PCDHA2: variants seen among roughly 807,000 people sequenced by gnomAD.
PCDHA2 encodes protocadherin alpha-2.
A neutral mutation model predicts 66.0 loss-of-function variants in PCDHA2; 58 were observed. The ratio of observed to expected loss-of-function variants is 0.88; its 90% CI spans 0.71 to 1.09. The LOEUF is 1.09. Among genes scored for constraint, PCDHA2 ranks in the 50% least tolerant of loss-of-function variants. The probability of loss-of-function intolerance (pLI) is 0.00; values close to 1 mark genes in which losing one functional copy is unlikely to be tolerated. For missense variants in PCDHA2, 1,267 were observed against 1,242.3 expected (o/e 1.02, Z -0.30); for synonymous variants, 634 against 554.0 (o/e 1.14, Z -2.03).
intron 1 of PCDHA2, chr5:140,810,600 A>G (rs1040320772): frequency 6.6e-6 from 1 of 152,078 alleles, no homozygotes; most frequent in African/African-American, 2.4e-5. Context: ...TTATTTTGGC[A>G]ATTTTTATAC....
At position 140,849,933 on chromosome 5, in the gene PCDHA2, C is replaced by G. The variant is rs2150458258; in HGVS notation, c.2388+52581C>G. Reference sequence around the variant, plus strand: ...CTGCCACATCTTCACGGTGTCTGCGCGGGACGCTGACGCGCAGGAGAACGC... The same window carrying G: ...CTGCCACATCTTCACGGTGTCTGCGGGGGACGCTGACGCGCAGGAGAACGC... On this transcript the variant is annotated intron_variant, in intron 1 of 3. Transcript: ENST00000526136. 8.1e-6 allele frequency: 13 copies of G among 1,598,002 alleles called. 1 individual carries two copies. In the African/African-American group the frequency reaches 1.2e-4, roughly 15 times the overall value.
chr5:140,813,905 G>C (rs2126650686), intron 1 of PCDHA2: 1 of 152,418 alleles, frequency 6.6e-6, no homozygotes, highest in African/African-American at 2.4e-5. Context: ...AGGCTGAAGT[G>C]GGAGGATCCT....
chr5:140,922,722 T>C (rs2153565730), intron 1 of PCDHA2, among the ~76,000 whole-genome samples: 1 of 151,972 alleles, frequency 6.6e-6, no homozygotes, highest in Non-Finnish European at 1.5e-5. Context: ...AAAGAAACAC[T>C]TGACAAGGTT....
chr5:140,967,498 T>G, intron 1 of PCDHA2: 2 of 1,613,108 alleles, frequency 1.2e-6, no homozygotes, highest in Non-Finnish European at 1.7e-6. Flanking sequence ...CACAGATCTC[T>G]GTGCGTGTCC....
At chr5:140,988,182 G>A (rs191995725) in intron 3 of PCDHA2, among the ~76,000 whole-genome samples, 79 of 152,240 alleles carry the variant, frequency 5.2e-4, no homozygotes, top group African/African-American at 1.5e-3. Flanking sequence ...ACAGTCCTGG[G>A]AGGTGTGTGC....
intron 1 of PCDHA2, chr5:140,870,869 T>C (rs371526005): frequency 8.1e-6 from 13 of 1,613,770 alleles, no homozygotes; most frequent in Non-Finnish European, 1.1e-5. Context: ...GCGGGCCACG[T>C]GGTGGCGAAG....
At position 140,856,588 on chromosome 5, in the gene PCDHA2, T is replaced by C. The variant is rs201362862; in HGVS notation, c.2388+59236T>C. The C allele has an allele frequency of 5.2e-5, 83 of 1,597,798 alleles. 1 individual carries two copies. In the East Asian group the frequency reaches 1.3e-3, roughly 25 times the overall value. ...GTCCAAATGAGTATTTTGTTCTTGA[T>C]ATTATAAACAAAAAAGACAAAGACA... On this transcript the variant is annotated intron_variant, in intron 1 of 3. Coordinates refer to ENST00000526136, the MANE Select transcript of PCDHA2 (RefSeq NM_018905.3).
At chr5:140,857,890 G>A in intron 1 of PCDHA2, 3 of 1,597,852 alleles carry the variant, frequency 1.9e-6, no homozygotes, top group Non-Finnish European at 2.6e-6. Context: ...AGTCGGCGGC[G>A]GTTGGTGCAC....
At position 140,856,560 on chromosome 5, in the gene PCDHA2, T is replaced by G. The variant is rs782375648; in HGVS notation, c.2388+59208T>G. 94 of 1,597,798 alleles carry G rather than the reference T, an allele frequency of 5.9e-5. 1 individual carries two copies. ...GAGAACGCATTGCTTACTTACAAAC[T>G]CAGTCCAAATGAGTATTTTGTTCTT... On this transcript the variant is annotated intron_variant, in intron 1 of 3. Transcript: ENST00000526136.
At chr5:140,929,104 A>G in intron 1 of PCDHA2, 1 of 1,614,240 alleles carries the variant, frequency 6.2e-7, no homozygotes. Flanking sequence ...TCCTTGCATG[A>G]CATCAGCCAC....
chr5:140,809,505 G>T (rs782212508), intron 1 of PCDHA2: 2 of 1,614,224 alleles, frequency 1.2e-6, no homozygotes, highest in South Asian at 2.2e-5. Flanking sequence ...ATGGCCTTCA[G>T]CCCCAGTTTA....
chr5:140,939,388 A>C, intron 1 of PCDHA2, among the ~76,000 whole-genome samples: 1 of 152,232 alleles, frequency 6.6e-6, no homozygotes, highest in East Asian at 1.9e-4. Context: ...CATTCAGATC[A>C]TAGCAAGTTT....
At chr5:140,960,279 T>A (rs1220391317) in intron 1 of PCDHA2, among the ~76,000 whole-genome samples, 1 of 152,216 alleles carries the variant, frequency 6.6e-6, no homozygotes, top group African/African-American at 2.4e-5. Flanking sequence ...GTCACCTTTT[T>A]GGGACCCAGT....
chr5:140,814,203 A>T (rs1765458548), intron 1 of PCDHA2: 1 of 150,724 alleles, frequency 6.6e-6, no homozygotes. Flanking sequence ...TATTTTTTTC[A>T]CTTTTACTTA....
At chr5:140,916,539 A>G (rs114063131) in intron 1 of PCDHA2, among the ~76,000 whole-genome samples, 1,727 of 152,262 alleles carry the variant, frequency 0.011, 30 homozygotes, top group African/African-American at 0.038. Context: ...CACCAAGGCA[A>G]TGGGTTTTCT....
chr5:140,816,863 A>G (rs1766013268), intron 1 of PCDHA2: 1 of 151,530 alleles, frequency 6.6e-6, no homozygotes, highest in African/African-American at 2.4e-5. Context: ...GGCCCTCTGG[A>G]GCAGCAGTAT....
chr5:140,841,219 G>C (rs2150312047), intron 1 of PCDHA2: 33 of 1,437,984 alleles, frequency 2.3e-5, no homozygotes, highest in Admixed American at 4.6e-5. Flanking sequence ...TCTAAAGGCC[G>C]AACAACGGGA....
At chr5:140,972,306 GT>G (rs2096530781) in intron 1 of PCDHA2, among the ~76,000 whole-genome samples, 1 of 150,488 alleles carries the variant, frequency 6.6e-6, no homozygotes, top group South Asian at 2.1e-4. Flanking sequence ...TGTCTGACTA[GT>G]TTTTAGGTGT....
At chr5:140,927,970 G>C in intron 1 of PCDHA2, 2 of 1,614,216 alleles carry the variant, frequency 1.2e-6, no homozygotes, top group Non-Finnish European at 1.7e-6. Context: ...CACAGTGATT[G>C]CTCTCTTTAG....
Sources: gnomAD v4.1 joint callset for allele counts (sites outside exome capture counted in the v4.1 genomes callset) on GRCh38, gnomAD v4.1.1 for gene constraint, MANE v1.5 for transcripts, NCBI Gene and HGNC (gene_info 2026-07-23, HGNC 2026-07-21) for gene names.